The following TTN variants were observed in gnomAD, a reference collection of about 807,000 sequenced individuals.
The protein encoded by TTN is titin.
A neutral mutation model predicts 3,223.0 loss-of-function variants in TTN; 1,525 were observed. The ratio of observed to expected loss-of-function variants is 0.47; its 90% CI spans 0.45 to 0.49. The LOEUF is 0.49. TTN is among the 20% of genes least tolerant of loss of function. TTN has a pLI of 0.00. For synonymous variants in TTN, 14,094 were observed against 15,161.0 expected, an observed-to-expected ratio of 0.93 and a Z score of 5.17; for missense variants, 40,786 against 43,424.0, an observed-to-expected ratio of 0.94 and a Z score of 5.40.
In TTN at chr2:178,556,943, G is replaced by T; in HGVS notation, c.88211C>A (p.Ser29404Tyr). ...AGCAAAGACACGGAATTCATACTGGGAATTCTGAGTCAAGCCAGAGATGAT... is the reference window on the plus strand; with the variant it reads ...AGCAAAGACACGGAATTCATACTGGTAATTCTGAGTCAAGCCAGAGATGAT... Reference protein sequence around the residue: ...QFIISGLTQNSQYEFRVFARN... With the variant: ...QFIISGLTQNYQYEFRVFARN... The change falls in exon 330 of 363, where the codon TCC becomes TAC. Residue 29404 changes from serine to tyrosine, a missense_variant. By Grantham distance (144) the Ser-to-Tyr change is moderately radical. Coordinates refer to ENST00000589042, the MANE Select transcript of TTN (RefSeq NM_001267550.2). 2 of 1,613,814 alleles carry T rather than the reference G, an allele frequency of 1.2e-6. No individual in the cohort carries two copies. Among genetic ancestry groups the T allele is most frequent in the South Asian group, 2.2e-5 (2 of 91,084 alleles).
At position 178,531,303 on chromosome 2, in the gene TTN, C is replaced by T; in HGVS notation, c.105312G>A (p.Met35104Ile). The part of the protein sequence containing the change: ...SSYEHSASAE[M>I]KSAALEEKSL... ...ACTTTTCTTCTAATGCAGCACTTTTCATTTCTGCAGATGCAGAGTGTTCAT... is the reference window on the plus strand; with the variant it reads ...ACTTTTCTTCTAATGCAGCACTTTTTATTTCTGCAGATGCAGAGTGTTCAT... Residue 35104 changes from methionine (M) to isoleucine (I), a missense_variant, in exon 358 of 363, where the codon ATG becomes ATA. By Grantham distance (10) the Met-to-Ile change is conservative. Transcript: ENST00000589042. The T allele has an allele frequency of 6.2e-7, 1 of 1,614,016 alleles. No individual in the cohort carries two copies. Among genetic ancestry groups the T allele is most frequent in the South Asian group, 1.1e-5 (1 of 91,084 alleles).
intron 33 of TTN, among the ~76,000 whole-genome samples, chr2:178,772,331 C>T (rs1359227562): frequency 6.6e-6 from 1 of 152,022 alleles, no homozygotes; most frequent in Non-Finnish European, 1.5e-5. Context: ...CAAATCATTA[C>T]CATATGACTT....
At chr2:178,744,199 G>A (rs1285986304) in intron 47 of TTN, among the ~76,000 whole-genome samples, 1 of 151,930 alleles carries the variant, frequency 6.6e-6, no homozygotes, top group Non-Finnish European at 1.5e-5. Flanking sequence ...GGTGACAAAT[G>A]TAGCCATTAA....
chr2:178,685,162 A>G, intron 129 of TTN, 91 bp downstream of exon 129: 1 of 1,251,888 alleles, frequency 8.0e-7, no homozygotes, highest in Non-Finnish European at 1.1e-6. Flanking sequence ...AGTTATGCAA[A>G]TTGTTATGCA....
In TTN at chr2:178,589,051, C is replaced by T. The variant is rs777144646; in HGVS notation, c.62674G>A (p.Gly20892Ser). 6.2e-7 allele frequency: 1 copy of T among 1,609,366 alleles called. No individual in the cohort carries two copies. The highest frequency in any genetic ancestry group is 1.7e-4 in the Middle Eastern group (1 of 6,058). Residue 20892 changes from glycine (G) to serine (S), a missense_variant, in exon 304 of 363, where the codon GGT becomes AGT. Transcript: ENST00000589042. ...TVCWDPPEDD[G>S]GCEIQNYILE... Reference sequence around the variant, plus strand: ...ATATAATTTTGGATTTCACAGCCACCATCATCTTCTGGTGGATCCCAGCAA... The same window carrying T: ...ATATAATTTTGGATTTCACAGCCACTATCATCTTCTGGTGGATCCCAGCAA...
Position 178,595,722 on chromosome 2 carries a change from T to A in TTN, c.57632A>T (p.Asp19211Val). 1 of 1,609,128 alleles carries A rather than the reference T, an allele frequency of 6.2e-7. No homozygotes were observed. Among genetic ancestry groups the A allele is most frequent in the Non-Finnish European group, 8.5e-7 (1 of 1,177,852 alleles). The part of the protein sequence containing the change: ...CKLTWFSPED[D>V]GGSPITNYVI... Reference sequence around the variant, plus strand: ...ATAATTGGTGATTGGAGAGCCTCCATCATCTTCTGGAGAAAACCATGTCAG... The same window carrying A: ...ATAATTGGTGATTGGAGAGCCTCCAACATCTTCTGGAGAAAACCATGTCAG... The change falls in exon 295 of 363, where the codon GAT (aspartate) becomes GTT (valine). Residue 19211 changes from aspartate to valine, a missense_variant. By Grantham distance (152) the Asp-to-Val change is radical (BLOSUM62 -3). Transcript: ENST00000589042.
chr2:178,775,434 C>T lies in TTN; in HGVS notation c.6430G>A (p.Glu2144Lys), dbSNP rs747447866. The T allele has an allele frequency of 6.2e-7, 1 of 1,614,036 alleles. No individual in the cohort carries two copies. The highest frequency in any genetic ancestry group is 1.1e-5 in the South Asian group (1 of 91,076). ...TTTACCATGATGCTGGCAGAGTCCT[C>T]AGCAGTCACATCTCTTATGACCAAT... The part of the protein sequence containing the change: ...CELVIRDVTA[E>K]DSASIMVKAI... The change falls in exon 28 of 363, where the codon GAG becomes AAG. Residue 2144 changes from glutamate to lysine, a missense_variant. Physicochemically the swap from Glu to Lys is moderately conservative, Grantham distance 56. Coordinates refer to ENST00000589042, the MANE Select transcript of TTN (RefSeq NM_001267550.2).
In TTN at chr2:178,558,068, T is replaced by C. The variant is rs1575589104; in HGVS notation, c.87286A>G (p.Thr29096Ala). The change falls in exon 328 of 363, where the codon ACT (threonine) becomes GCT (alanine). Residue 29096 changes from threonine to alanine, a missense_variant. Coordinates refer to ENST00000589042, the MANE Select transcript of TTN (RefSeq NM_001267550.2). ...AGATTGATGGTCAGGTTCTCAGCAG[T>C]AATTTCGGTATTAAATCTCATGGTT... ...KATMRFNTEI[T>A]AENLTINLKE... is the part of the protein sequence containing the mutation. The C allele has an allele frequency of 6.2e-7, 1 of 1,613,972 alleles. No homozygotes were observed. The highest frequency in any genetic ancestry group is 8.5e-7 in the Non-Finnish European group (1 of 1,179,844).
rs1465887824 is a variant in TTN at position 178,551,857 on chromosome 2, G to A, written c.91043C>T (p.Pro30348Leu). ...SDGMSLTWDA[P>L]VYDGGSEVTG... Reference sequence around the variant, plus strand: ...AACTTCTGAACCACCATCATAAACTGGAGCATCCCAAGTTAGTGACATGCC... The same window carrying A: ...AACTTCTGAACCACCATCATAAACTAGAGCATCCCAAGTTAGTGACATGCC... Residue 30348 changes from proline to leucine, a missense_variant, in exon 335 of 363, where the codon CCA becomes CTA. By Grantham distance (98) the Pro-to-Leu change is moderately conservative. Coordinates refer to ENST00000589042, the MANE Select transcript of TTN (RefSeq NM_001267550.2). 2 of 1,613,812 alleles carry A rather than the reference G, an allele frequency of 1.2e-6. No individual in the cohort carries two copies. Among genetic ancestry groups the A allele is most frequent in the Non-Finnish European group, 8.5e-7 (1 of 1,179,808 alleles).
At chr2:178,751,640 C>G in intron 47 of TTN, 1 of 1,613,270 alleles carries the variant, frequency 6.2e-7, no homozygotes, top group Non-Finnish European at 8.5e-7. Context: ...TTCTGCAGAC[C>G]CTTCACTATT....
Position 178,528,412 on chromosome 2 carries a change from T to A in TTN, c.107239A>T (p.Asn35747Tyr), listed in dbSNP as rs1687478590. 1 of 1,613,188 alleles carries A rather than the reference T, an allele frequency of 6.2e-7. No homozygotes were observed. Among genetic ancestry groups the A allele is most frequent in the African/African-American group, 1.3e-5 (1 of 74,908 alleles). Residue 35747 changes from asparagine (N) to tyrosine (Y), a missense_variant, in exon 361 of 363, where the codon AAT (asparagine) becomes TAT (tyrosine). Transcript: ENST00000589042. ...TTTCTGGAGCGGCTTATGCTGACATTTGAAGAAATAGAAATCTAAGACAAA... is the reference window on the plus strand; with the variant it reads ...TTTCTGGAGCGGCTTATGCTGACATATGAAGAAATAGAAATCTAAGACAAA... The part of the protein sequence containing the change: ...KNNLPISISS[N>Y]VSISRSRNVY...
Position 178,577,874 on chromosome 2 carries a change from A to G in TTN, c.68552T>C (p.Ile22851Thr). The G allele has an allele frequency of 6.3e-7, 1 of 1,590,376 alleles. No individual in the cohort carries two copies. The highest frequency in any genetic ancestry group is 8.6e-7 in the Non-Finnish European group (1 of 1,168,596). The change falls in exon 323 of 363, where the codon ATT (isoleucine) becomes ACT (threonine). Residue 22851 changes from isoleucine (I) to threonine (T), a missense_variant. Ile to Thr is a moderately conservative substitution (Grantham distance 89). Transcript: ENST00000589042. ...PIDPPGKPEVINITRNSVTLI... is the reference protein window; with the variant it reads ...PIDPPGKPEVTNITRNSVTLI... The stretch of plus-strand genomic sequence containing the variant: ...AGTCACTGAATTCCTTGTTATGTTA[A>G]TAACCTCAGGTTTTCCAGGAGGATC...
Position 178,689,003 on chromosome 2 carries a change from A to ATTTTTT in TTN, c.32095+44_32095+49dup, listed in dbSNP as rs35770337. On this transcript the variant is annotated intron_variant, in intron 125 of 362. Transcript: ENST00000589042. ...AAGCAAGAATTTAACACACTCGAAG[A>ATTTTTT]TTTTTTTTTTTTTTTTTTTTTTTTG... is the stretch of plus-strand genomic sequence containing the variant. The ATTTTTT allele has an allele frequency of 1.5e-4, 152 of 1,006,778 alleles. 18 individuals carry two copies. Among genetic ancestry groups the ATTTTTT allele is most frequent in the Admixed American group, 6.6e-4 (30 of 45,792 alleles). 62.4% of individuals were successfully genotyped at this position (1,006,778 alleles called of 1,614,324 possible). A position where few individuals can be genotyped will look rare whatever the true frequency, so the allele number is the denominator to read the frequency against.
Position 178,565,509 on chromosome 2 carries a change from C to G in TTN, c.80623G>C (p.Asp26875His), listed in dbSNP as rs1422715847. The G allele has an allele frequency of 2.5e-6, 4 of 1,613,274 alleles. No individual in the cohort carries two copies. In the African/African-American group the frequency reaches 4.0e-5, roughly 16 times the overall value. The stretch of plus-strand genomic sequence containing the variant: ...TTTAAACTAGGCTGTATAGTCAAGT[C>G]CTTGGCTATGACAGGAACACCCAAC... ...RVLGVPVIAK[D>H]LTIQPSLKLP... Residue 26875 changes from aspartate (D) to histidine (H), a missense_variant, in exon 326 of 363, where the codon GAC (aspartate) becomes CAC (histidine). Transcript: ENST00000589042.
At position 178,547,168 on chromosome 2, in the gene TTN, T is replaced by C. The variant is rs780232811; in HGVS notation, c.94357A>G (p.Ile31453Val). The C allele has an allele frequency of 4.3e-6, 7 of 1,613,728 alleles. No individual in the cohort carries two copies. The Admixed American group carries it at 5.0e-5, about 12-fold the overall frequency. The change falls in exon 340 of 363, where the codon ATT becomes GTT. Residue 31453 changes from isoleucine to valine, a missense_variant. Ile to Val is a conservative substitution (Grantham distance 29). Transcript: ENST00000589042. ...YWVEKKERNT[I>V]LWVKENKVPC... ...ACTTTGTTTTCTTTCACCCAAAGAA[T>C]TGTATTACGTTCTTTCTTCTCAACC...
rs770026289 is a variant in TTN, at chr2:178,780,010, A to G, written c.3719T>C (p.Val1240Ala). The G allele has an allele frequency of 6.2e-7, 1 of 1,612,490 alleles. No individual in the cohort carries two copies. ...TACTTTTATACTCACCTGATCTTCT[A>G]CATAAGTTCTGACCACTACAGTATC... Reference protein sequence around the residue: ...AKDTVVVRTYVEDQEFHISSF... With the variant: ...AKDTVVVRTYAEDQEFHISSF... The change falls in exon 22 of 363, where the codon GTA becomes GCA. Residue 1240 changes from valine to alanine, a missense_variant. By Grantham distance (64) the Val-to-Ala change is moderately conservative. Coordinates refer to ENST00000589042, the MANE Select transcript of TTN (RefSeq NM_001267550.2).
At position 178,571,119 on chromosome 2, in the gene TTN, C is replaced by T. The variant is rs766883705; in HGVS notation, c.75013G>A (p.Asp25005Asn). Residue 25005 changes from aspartate (D) to asparagine (N), a missense_variant, in exon 326 of 363, where the codon GAC becomes AAC. Asp to Asn is a conservative substitution (Grantham distance 23). Transcript: ENST00000589042. ...GGCCGTCCTGGTGGATCACATGGGTCACGAGCCACATAACATTCTGATACT... is the reference window on the plus strand; with the variant it reads ...GGCCGTCCTGGTGGATCACATGGGTTACGAGCCACATAACATTCTGATACT... The part of the protein sequence containing the change: ...SKVSECYVAR[D>N]PCDPPGRPEA... 6.2e-7 allele frequency: 1 copy of T among 1,613,396 alleles called. No individual in the cohort carries two copies. The highest frequency in any genetic ancestry group is 2.2e-5 in the East Asian group (1 of 44,814).
Position 178,781,118 on chromosome 2 carries a change from T to TA in TTN, c.3523+2dup, listed in dbSNP as rs1479044618. On this transcript the variant is annotated splice_region_variant and intron_variant, in intron 21 of 362. Coordinates refer to ENST00000589042, the MANE Select transcript of TTN (RefSeq NM_001267550.2). Reference sequence around the variant, plus strand: ...TGCACATAGAAACTGGAGTTGCACTTACCTTCTTCAAGCAAGGAAGCAGAT... The same window carrying TA: ...TGCACATAGAAACTGGAGTTGCACTTAACCTTCTTCAAGCAAGGAAGCAGAT... The TA allele has an allele frequency of 6.2e-7, 1 of 1,613,818 alleles. No individual in the cohort carries two copies. The highest frequency in any genetic ancestry group is 8.5e-7 in the Non-Finnish European group (1 of 1,179,918).
chr2:178,799,996 A>C, intron 4 of TTN, 86 bp from the exon 5 acceptor site: 1 of 1,455,174 alleles, frequency 6.9e-7, no homozygotes, highest in Non-Finnish European at 9.5e-7. Context: ...TACAAAGTCA[A>C]AAAGATTTTC....
Sources: gnomAD v4.1 joint callset for allele counts (sites outside exome capture counted in the v4.1 genomes callset) on GRCh38, gnomAD v4.1.1 for gene constraint, MANE v1.5 for transcripts, NCBI Gene and HGNC (gene_info 2026-07-23, HGNC 2026-07-21) for gene names.